Variants in RNF216 observed in about 807,000 individuals in gnomAD.
The protein encoded by RNF216 is ring finger protein 216.
A neutral mutation model predicts 110.8 loss-of-function variants in RNF216; 72 were observed. The observed-to-expected ratio is 0.65, with a 90% CI of 0.54 to 0.79. The LOEUF (loss-of-function observed/expected upper bound fraction) is 0.79. RNF216 is among the 30% of genes least tolerant of loss of function. The pLI is 0.00. For missense variants in RNF216, 1,342 were observed against 1,141.2 expected (o/e 1.18, Z -2.54); for synonymous variants, 495 against 407.5 (o/e 1.21, Z -2.59).
intron 15 of RNF216, among the ~76,000 whole-genome samples, chr7:5,634,749 G>C (rs1787295246): frequency 6.6e-6 from 1 of 152,240 alleles, no homozygotes; most frequent in Admixed American, 6.5e-5. Context: ...AGGGTCAAGT[G>C]CTCACCCAGG....
chr7:5,742,649 G>C (rs918107735), intron 3 of RNF216, among the ~76,000 whole-genome samples: 1 of 130,236 alleles, frequency 7.7e-6, no homozygotes, highest in Non-Finnish European at 1.5e-5. Context: ...AGGCTGGAGT[G>C]CAATGGCATG....
intron 13 of RNF216, among the ~76,000 whole-genome samples, chr7:5,666,406 G>C (rs2128590640): frequency 6.6e-6 from 1 of 152,282 alleles, no homozygotes; most frequent in East Asian, 1.9e-4. Context: ...GAAGACTTAA[G>C]AAAGGCGAGG....
chr7:5,770,049 A>AAAAAAAAG, intron 1 of RNF216, among the ~76,000 whole-genome samples: 1 of 148,398 alleles, frequency 6.7e-6, no homozygotes, highest in Non-Finnish European at 1.5e-5. Context: ...AAAAAAAAAA[A>AAAAAAAAG]AAAAGACTGA....
intron 7 of RNF216, among the ~76,000 whole-genome samples, chr7:5,725,755 C>A (rs374431242): frequency 5.4e-4 from 80 of 148,214 alleles, no homozygotes; most frequent in African/African-American, 1.9e-3. Context: ...GAGGCTGCGG[C>A]AGGAGAATCG....
chr7:5,690,776 G>C (rs1791284411), intron 13 of RNF216, among the ~76,000 whole-genome samples: 1 of 152,118 alleles, frequency 6.6e-6, no homozygotes, highest in Non-Finnish European at 1.5e-5. Flanking sequence ...CCACACTAGA[G>C]CTCATGCCCC....
At chr7:5,623,937 G>C in intron 16 of RNF216, 119 bp downstream of exon 16, 1 of 814,162 alleles carries the variant, frequency 1.2e-6, no homozygotes, top group Non-Finnish European at 1.9e-6. Context: ...AGCCACCTGA[G>C]GGACAGCACC....
chr7:5,653,883 T>A (rs773052581), intron 13 of RNF216, among the ~76,000 whole-genome samples: 1 of 152,188 alleles, frequency 6.6e-6, no homozygotes, highest in Non-Finnish European at 1.5e-5. Context: ...CCGGGCATGT[T>A]CAGTTCCTAT....
chr7:5,765,492 T>C (rs1448468164), intron 1 of RNF216, among the ~76,000 whole-genome samples: 1 of 151,572 alleles, frequency 6.6e-6, no homozygotes, highest in African/African-American at 2.4e-5. Flanking sequence ...AAATAAGGCA[T>C]GGTGGTGCAT....
intron 13 of RNF216, among the ~76,000 whole-genome samples, chr7:5,670,686 G>C (rs540399692): frequency 1.2e-4 from 18 of 152,246 alleles, no homozygotes; most frequent in Non-Finnish European, 2.4e-4. Flanking sequence ...GGAAGCAAAA[G>C]TACAGCTAAG....
intron 13 of RNF216, among the ~76,000 whole-genome samples, chr7:5,657,566 T>TA (rs200571402): frequency 0.019 from 2,797 of 144,346 alleles, 40 homozygotes; most frequent in East Asian, 0.072. Context: ...AAATTCTGTC[T>TA]AAAAAAAAAA....
chr7:5,627,185 T>C (rs541115502), intron 15 of RNF216, among the ~76,000 whole-genome samples: 8 of 152,328 alleles, frequency 5.3e-5, no homozygotes, highest in Admixed American at 3.9e-4. Flanking sequence ...TGTTCAATGT[T>C]ACGGCTAGTT....
chr7:5,709,477 C>T (rs914293708), intron 13 of RNF216, among the ~76,000 whole-genome samples: 4 of 152,184 alleles, frequency 2.6e-5, no homozygotes, highest in Admixed American at 6.5e-5. Context: ...GGGTCTGGAG[C>T]TTTCTCTTCT....
chr7:5,731,876 T>A (rs1794110582), intron 5 of RNF216, among the ~76,000 whole-genome samples: 1 of 145,102 alleles, frequency 6.9e-6, no homozygotes, highest in African/African-American at 2.9e-5. Flanking sequence ...CCTTTTCTCA[T>A]CCAGGTGCCA....
In RNF216 at chr7:5,628,685, CTT is replaced by C. The variant is rs11314929; in HGVS notation, c.2383-4562_2383-4561del. 2.5e-3 allele frequency among the ~76,000 whole-genome samples: 345 copies of C among 138,934 alleles called. 2 individuals carry two copies. The highest frequency in any genetic ancestry group is 6.3e-3 in the East Asian group (28 of 4,434). The allele number at this position is 138,934 out of a possible 152,430, so 91.1% of individuals were successfully genotyped here. On this transcript the variant is annotated intron_variant, in intron 15 of 16. Coordinates refer to ENST00000389902, the MANE Select transcript of RNF216 (RefSeq NM_207111.4). ...TACAGGCGCCCACCACCATATCTGA[CTT>C]TTTTTTTTTTTTTTGTAGAAATGGG...
At chr7:5,635,365 G>A (rs972687664) in intron 15 of RNF216, among the ~76,000 whole-genome samples, 2 of 151,694 alleles carry the variant, frequency 1.3e-5, no homozygotes, top group Admixed American at 6.6e-5. Context: ...GCCAGCTGTG[G>A]AAGCTGGGTG....
intron 1 of RNF216, among the ~76,000 whole-genome samples, chr7:5,765,201 C>T (rs879713595): frequency 2.6e-5 from 4 of 152,158 alleles, no homozygotes; most frequent in South Asian, 2.1e-4. Context: ...GTGGCTCACG[C>T]CTTTAATCCC....
intron 15 of RNF216, among the ~76,000 whole-genome samples, chr7:5,631,983 A>C (rs1787100893): frequency 6.6e-6 from 1 of 152,240 alleles, no homozygotes; most frequent in African/African-American, 2.4e-5. Flanking sequence ...CCTGAGGCTC[A>C]GAAGATGCAG....
At chr7:5,641,512 T>TAG (rs1787732348) in intron 14 of RNF216, 136 bp from the exon 15 acceptor site, 2 of 721,704 alleles carry the variant, frequency 2.8e-6, no homozygotes, top group Non-Finnish European at 4.5e-6. Flanking sequence ...GAAAAGAGCC[T>TAG]AGGTTTTGGA....
intron 13 of RNF216, among the ~76,000 whole-genome samples, chr7:5,686,115 C>T (rs957523024): frequency 1.3e-5 from 2 of 149,814 alleles, no homozygotes; most frequent in African/African-American, 2.5e-5. Context: ...CCCAGCTATT[C>T]GGGAGGCTGA....
Sources: gnomAD v4.1 joint callset for allele counts (sites outside exome capture counted in the v4.1 genomes callset) on GRCh38, gnomAD v4.1.1 for gene constraint, MANE v1.5 for transcripts, NCBI Gene and HGNC (gene_info 2026-07-23, HGNC 2026-07-21) for gene names.